The following PRSS48 variants were observed in gnomAD, a reference collection of about 807,000 sequenced individuals.
PRSS48 encodes the protein epidermis-specific serine protease-like protein.
A neutral mutation model predicts 25.6 loss-of-function variants in PRSS48; 21 were observed. The observed-to-expected ratio is 0.82, with a 90% CI of 0.58 to 1.18. PRSS48 has a LOEUF of 1.18. PRSS48 is among the 50% of genes most tolerant of loss of function. The pLI is 0.00. For missense variants in PRSS48, 373 were observed against 399.3 expected (o/e 0.93, Z 0.56); for synonymous variants, 150 against 149.3 (o/e 1.00, Z -0.04).
chr4:151,283,279 G>T, exon 4 of PRSS48: 1 of 1,613,482 alleles, frequency 6.2e-7, no homozygotes, highest in African/African-American at 1.3e-5. Flanking sequence ...ATGAAGGATA[G>T]TTGCAAGGTC....
At chr4:151,285,778 G>A (rs751808611) in intron 4 of PRSS48, among the ~76,000 whole-genome samples, 36 of 151,958 alleles carry the variant, frequency 2.4e-4, no homozygotes, top group Non-Finnish European at 3.5e-4. Context: ...GGGGCAGGAG[G>A]ATCCCTTGAG....
intron 4 of PRSS48, among the ~76,000 whole-genome samples, chr4:151,288,589 A>C (rs935962123): frequency 6.6e-6 from 1 of 152,136 alleles, no homozygotes; most frequent in Non-Finnish European, 1.5e-5. Context: ...TCTACTAAAA[A>C]TACAAAAACT....
chr4:151,282,807 T>C (rs1023649743), intron 3 of PRSS48, among the ~76,000 whole-genome samples: 12 of 152,192 alleles, frequency 7.9e-5, no homozygotes, highest in Admixed American at 7.2e-4. Flanking sequence ...GCAAAAAACA[T>C]GGGAAAGGAA....
chr4:151,277,223 A>G, exon 1 of PRSS48: 1 of 1,501,840 alleles, frequency 6.7e-7, no homozygotes. Flanking sequence ...TGGGGATCTC[A>G]GGTGAGCGCC....
intron 1 of PRSS48, among the ~76,000 whole-genome samples, chr4:151,279,434 T>C (rs1773970706): frequency 3.3e-5 from 5 of 152,204 alleles, no homozygotes; most frequent in Admixed American, 6.5e-5. Context: ...TTCCCACTAA[T>C]AGGTAGAAGG....
chr4:151,280,790 T>TA lies in PRSS48; in HGVS notation c.215+842dup, dbSNP rs899848488. On this transcript the variant is annotated intron_variant, in intron 2 of 4. Coordinates refer to ENST00000455694, the Ensembl canonical transcript of PRSS48. ...GGGCGACAGAGTGAGACCCTGTCTC[T>TA]AAAAAAAAAATTAAGTTTAAAAAAA... Among the ~76,000 whole-genome samples, 12 of 147,216 alleles carry TA rather than the reference T, an allele frequency of 8.2e-5. No homozygotes were observed. In the South Asian group the frequency reaches 8.6e-4, roughly 11 times the overall value.
At position 151,283,100 on chromosome 4, in the gene PRSS48, C is replaced by T. The variant is rs1244522013; in HGVS notation, c.482-17C>T. The T allele has an allele frequency of 1.9e-6, 3 of 1,611,926 alleles. No homozygotes were observed. In the South Asian group the frequency reaches 3.3e-5, roughly 18 times the overall value. On this transcript the variant is annotated splice_polypyrimidine_tract_variant and intron_variant, in intron 3 of 4. Transcript: ENST00000455694. ...TTCTAGGTTGCTTTAATCTTTTGTTCCTGTCTTCCTCCACAGATAGAGATT... is the reference window on the plus strand; with the variant it reads ...TTCTAGGTTGCTTTAATCTTTTGTTTCTGTCTTCCTCCACAGATAGAGATT...
intron 1 of PRSS48, 26 bp downstream of exon 1, chr4:151,277,250 G>T: frequency 6.8e-7 from 1 of 1,466,424 alleles, no homozygotes; most frequent in Non-Finnish European, 9.1e-7. Context: ...GGGTTGAGAA[G>T]GCAGAGGCAG....
chr4:151,285,702 A>G (rs780507136), intron 4 of PRSS48, among the ~76,000 whole-genome samples: 1 of 152,056 alleles, frequency 6.6e-6, no homozygotes, highest in Non-Finnish European at 1.5e-5. Context: ...CCTTGTCTCT[A>G]CTAAAAATTT....
chr4:151,279,893 C>T (rs1286151032), exon 2 of PRSS48: 1 of 1,613,848 alleles, frequency 6.2e-7, no homozygotes, highest in Non-Finnish European at 8.5e-7. Context: ...TTGACCACAA[C>T]TTTATCTGTG....
chr4:151,290,071 G>T (rs769814350), intron 4 of PRSS48, among the ~76,000 whole-genome samples: 2 of 152,156 alleles, frequency 1.3e-5, no homozygotes, highest in Non-Finnish European at 2.9e-5. Flanking sequence ...TCAGCTTCCC[G>T]AGTGGTTGGG....
intron 4 of PRSS48, among the ~76,000 whole-genome samples, chr4:151,286,985 T>A (rs1178934500): frequency 1.7e-5 from 2 of 119,400 alleles, no homozygotes. Flanking sequence ...GTCTCAAAAA[T>A]AATAATAATA....
At chr4:151,289,351 C>A (rs973276980) in intron 4 of PRSS48, among the ~76,000 whole-genome samples, 1 of 152,246 alleles carries the variant, frequency 6.6e-6, no homozygotes, top group Admixed American at 6.5e-5. Flanking sequence ...TTATCAAAAG[C>A]ATAAGCAGCA....
chr4:151,282,007 C>T (rs1774282428), intron 2 of PRSS48, 141 bp from the exon 3 acceptor site: 1 of 801,200 alleles, frequency 1.2e-6, no homozygotes, highest in Non-Finnish European at 2.0e-6. Context: ...GACAAATCAA[C>T]CCTAGTTGAA....
chr4:151,284,381 T>G (rs1774537138), intron 4 of PRSS48, among the ~76,000 whole-genome samples: 1 of 152,196 alleles, frequency 6.6e-6, no homozygotes, highest in Non-Finnish European at 1.5e-5. Flanking sequence ...ATTTCAGACA[T>G]TTTATTTTTT....
chr4:151,290,580 T>C (rs1775223272), intron 4 of PRSS48, among the ~76,000 whole-genome samples: 1 of 152,208 alleles, frequency 6.6e-6, no homozygotes, highest in African/African-American at 2.4e-5. Flanking sequence ...GAGGTTTCTT[T>C]TTAGGGTGAT....
rs113584974 is a variant in PRSS48, at chr4:151,286,982, A to AAATAATAATAATAAT, written c.651+3710_651+3724dup. On this transcript the variant is annotated intron_variant, in intron 4 of 4. Coordinates refer to ENST00000455694, the Ensembl canonical transcript of PRSS48. ...GTGACAGAGTGAGATTCTGTCTCAAAAATAATAATAATAATAATAATAATA... is the reference window on the plus strand; with the variant it reads ...GTGACAGAGTGAGATTCTGTCTCAAAAATAATAATAATAATAATAATAATAATAATAATAATAATA... 4.7e-3 allele frequency among the ~76,000 whole-genome samples: 670 copies of AAATAATAATAATAAT among 141,820 alleles called. 7 individuals carry two copies. The highest frequency in any genetic ancestry group is 0.016 in the African/African-American group (613 of 38,224). The allele number at this position is 141,820 out of a possible 152,430, so 93.0% of individuals were successfully genotyped here.
intron 3 of PRSS48, 115 bp downstream of exon 3, chr4:151,282,528 A>G: frequency 1.0e-6 from 1 of 972,204 alleles, no homozygotes; most frequent in Non-Finnish European, 1.5e-6. Context: ...AACCAGATCA[A>G]TCTAATGATA....
At chr4:151,287,980 T>C (rs1400006100) in intron 4 of PRSS48, among the ~76,000 whole-genome samples, 1 of 152,022 alleles carries the variant, frequency 6.6e-6, no homozygotes, top group Non-Finnish European at 1.5e-5. Context: ...CAGAAATCAA[T>C]CAATGTTAAT....
Sources: gnomAD v4.1 joint callset for allele counts (sites outside exome capture counted in the v4.1 genomes callset) on GRCh38, gnomAD v4.1.1 for gene constraint, MANE v1.5 for transcripts, NCBI Gene and HGNC (gene_info 2026-07-23, HGNC 2026-07-21) for gene names.